The following KIAA1549L variants were observed in gnomAD, a reference collection of about 807,000 sequenced individuals.
KIAA1549L encodes UPF0606 protein KIAA1549L.
Under a neutral mutation model 160.7 loss-of-function variants are expected in KIAA1549L, and 88 were observed. That is an observed-to-expected ratio of 0.55 (90% CI 0.46 to 0.65). The LOEUF is 0.65. Ranked by LOEUF, KIAA1549L falls within the 30% of genes least tolerant of loss-of-function variation. The pLI is 0.00. For synonymous variants in KIAA1549L, 950 were observed against 976.7 expected (o/e 0.97, Z 0.51); for missense variants, 2,258 against 2,437.5 (o/e 0.93, Z 1.55).
chr11:33,651,233 G>T (rs10768014), intron 17 of KIAA1549L, among the ~76,000 whole-genome samples: 81,223 of 151,904 alleles, frequency 0.53, 23,288 homozygotes, highest in African/African-American at 0.74. Flanking sequence ...GGTCAGGAGT[G>T]CAAGACCAGC....
chr11:33,448,676 C>T (rs1386559083), intron 1 of KIAA1549L, among the ~76,000 whole-genome samples: 1 of 152,154 alleles, frequency 6.6e-6, no homozygotes, highest in Non-Finnish European at 1.5e-5. Context: ...GCTGGCATGC[C>T]AGAAAGTGCT....
intron 10 of KIAA1549L, among the ~76,000 whole-genome samples, chr11:33,582,117 G>C (rs978418907): frequency 7.9e-5 from 12 of 152,198 alleles, no homozygotes; most frequent in African/African-American, 2.2e-4. Context: ...GAGCAATTAA[G>C]TGTTTAATGT....
intron 8 of KIAA1549L, among the ~76,000 whole-genome samples, chr11:33,563,979 C>T (rs544369025): frequency 1.2e-3 from 181 of 152,286 alleles, no homozygotes; most frequent in Non-Finnish European, 2.0e-3. Flanking sequence ...AAGCTCCATT[C>T]CAGGTCTTTT....
intron 1 of KIAA1549L, among the ~76,000 whole-genome samples, chr11:33,496,910 A>T (rs1852833981): frequency 1.3e-5 from 2 of 152,126 alleles, no homozygotes; most frequent in South Asian, 4.1e-4. Flanking sequence ...AGCCACAGTA[A>T]CTTTCTTTTG....
At chr11:33,487,953 T>C (rs1852567565) in intron 1 of KIAA1549L, among the ~76,000 whole-genome samples, 1 of 152,202 alleles carries the variant, frequency 6.6e-6, no homozygotes, top group Non-Finnish European at 1.5e-5. Context: ...GTCCTCCCTT[T>C]CCCATCCCTG....
At position 33,398,950 on chromosome 11, in the gene KIAA1549L, G is replaced by GT. The variant is rs71034680; in HGVS notation, c.238+22076dup. On this transcript the variant is annotated intron_variant, in intron 1 of 20. Transcript: ENST00000658780. ...TTTGGCTCCTTTCACTCCAGTGAGT[G>GT]TTTTTTTTTTTTTTTCTTTTGAAAT... Among the ~76,000 whole-genome samples, 436 of 140,018 alleles carry GT rather than the reference G, an allele frequency of 3.1e-3. 1 individual carries two copies. Among genetic ancestry groups the GT allele is most frequent in the African/African-American group, 8.3e-3 (314 of 37,926 alleles). 91.9% of individuals were successfully genotyped at this position (140,018 alleles called of 152,430 possible).
chr11:33,438,875 A>T (rs1446372660), intron 1 of KIAA1549L, among the ~76,000 whole-genome samples: 1 of 146,398 alleles, frequency 6.8e-6, no homozygotes, highest in Non-Finnish European at 1.5e-5. Context: ...TTAAGGTGTA[A>T]CCCTGGGACT....
chr11:33,553,673 G>C (rs968155935), intron 6 of KIAA1549L, among the ~76,000 whole-genome samples: 1 of 152,168 alleles, frequency 6.6e-6, no homozygotes, highest in African/African-American at 2.4e-5. Flanking sequence ...TCTCTTGTGG[G>C]AACTCTTTTT....
chr11:33,411,630 T>C (rs1850787633), intron 1 of KIAA1549L, among the ~76,000 whole-genome samples: 1 of 152,250 alleles, frequency 6.6e-6, no homozygotes, highest in Non-Finnish European at 1.5e-5. Context: ...GAAATTCAAA[T>C]GGCAGGGACC....
intron 1 of KIAA1549L, among the ~76,000 whole-genome samples, chr11:33,455,313 G>T (rs1489454755): frequency 6.6e-6 from 1 of 152,156 alleles, no homozygotes; most frequent in African/African-American, 2.4e-5. Context: ...CTTAAATAAA[G>T]AATTCAGTGT....
At chr11:33,432,260 C>G (rs773109655) in intron 1 of KIAA1549L, among the ~76,000 whole-genome samples, 1 of 152,312 alleles carries the variant, frequency 6.6e-6, no homozygotes, top group South Asian at 2.1e-4. Context: ...GAGGAGGCGC[C>G]GAGAGCAAAC....
At chr11:33,447,770 T>G (rs1468065165) in intron 1 of KIAA1549L, among the ~76,000 whole-genome samples, 1 of 152,154 alleles carries the variant, frequency 6.6e-6, no homozygotes, top group Non-Finnish European at 1.5e-5. Context: ...ATCAGAGACT[T>G]TGTGTTTATG....
At chr11:33,468,732 G>A (rs1224813011) in intron 1 of KIAA1549L, among the ~76,000 whole-genome samples, 3 of 152,050 alleles carry the variant, frequency 2.0e-5, no homozygotes, top group African/African-American at 4.8e-5. Context: ...ATATCATAAC[G>A]AACTCTTCTC....
At chr11:33,437,830 T>C (rs530652162) in intron 1 of KIAA1549L, among the ~76,000 whole-genome samples, 1 of 152,334 alleles carries the variant, frequency 6.6e-6, no homozygotes, top group African/African-American at 2.4e-5. Context: ...GAAGTCAACC[T>C]GCAGCTCCAG....
At chr11:33,569,181 T>C (rs1855157311) in intron 9 of KIAA1549L, among the ~76,000 whole-genome samples, 1 of 152,102 alleles carries the variant, frequency 6.6e-6, no homozygotes. Context: ...TCCCCAGGAG[T>C]AGAGATTCTA....
chr11:33,452,907 T>G (rs1851750110), intron 1 of KIAA1549L, among the ~76,000 whole-genome samples: 1 of 152,256 alleles, frequency 6.6e-6, no homozygotes, highest in Non-Finnish European at 1.5e-5. Context: ...CTCTGTATAA[T>G]CTCTTGATGA....
Position 33,408,444 on chromosome 11 carries a change from G to A in KIAA1549L, c.238+31555G>A, listed in dbSNP as rs141068418. On this transcript the variant is annotated intron_variant, in intron 1 of 20. Coordinates refer to ENST00000658780, the MANE Select transcript of KIAA1549L (RefSeq NM_012194.3). ...TTCCAAGTCTAATATTTTATATGGC[G>A]CTCTCCATAAGTTAGAGATATATAT... is the stretch of plus-strand genomic sequence containing the variant. Among the ~76,000 whole-genome samples the A allele has an allele frequency of 1.3e-4, 20 of 148,444 alleles. No homozygotes were observed. In the East Asian group the frequency reaches 1.8e-3, roughly 13 times the overall value.
chr11:33,469,722 T>G (rs775507459), intron 1 of KIAA1549L, among the ~76,000 whole-genome samples: 12 of 152,228 alleles, frequency 7.9e-5, no homozygotes, highest in African/African-American at 1.4e-4. Flanking sequence ...TTAGTAGATG[T>G]GAAGTGTAGC....
chr11:33,486,748 T>TA (rs373264993), intron 1 of KIAA1549L, among the ~76,000 whole-genome samples: 2,820 of 150,200 alleles, frequency 0.019, 85 homozygotes, highest in African/African-American at 0.065. Flanking sequence ...CTTTCCAGAT[T>TA]AAAAAAAAAA....
Sources: gnomAD v4.1 joint callset for allele counts (sites outside exome capture counted in the v4.1 genomes callset) on GRCh38, gnomAD v4.1.1 for gene constraint, MANE v1.5 for transcripts, NCBI Gene and HGNC (gene_info 2026-07-23, HGNC 2026-07-21) for gene names.